Variants in SWT1 observed in about 807,000 individuals in gnomAD.
SWT1 encodes the protein transcriptional protein SWT1.
A neutral mutation model predicts 107.3 loss-of-function variants in SWT1; 33 were observed. The ratio of observed to expected loss-of-function variants is 0.31; its 90% CI spans 0.23 to 0.41. SWT1 has a LOEUF of 0.41. Among genes scored for constraint, SWT1 ranks in the 10% least tolerant of loss-of-function variants. The pLI is 1.00. For missense variants in SWT1, 898 were observed against 1,028.9 expected, an observed-to-expected ratio of 0.87 and a Z score of 1.74; for synonymous variants, 345 against 348.3, an observed-to-expected ratio of 0.99 and a Z score of 0.11.
At chr1:185,256,032 G>A (rs1267566575) in intron 16 of SWT1, among the ~76,000 whole-genome samples, 145 of 151,098 alleles carry the variant, frequency 9.6e-4, no homozygotes, top group South Asian at 2.9e-3. Flanking sequence ...TTTCTCCTTC[G>A]CTTATGAAGC....
intron 2 of SWT1, among the ~76,000 whole-genome samples, chr1:185,161,285 A>G (rs74584404): frequency 0.018 from 2,762 of 152,182 alleles, 77 homozygotes; most frequent in African/African-American, 0.061. Flanking sequence ...TCCTTTTTCA[A>G]TTTCCTCAAC....
intron 16 of SWT1, among the ~76,000 whole-genome samples, chr1:185,250,642 T>G (rs1380198009): frequency 6.6e-6 from 1 of 152,186 alleles, no homozygotes; most frequent in East Asian, 1.9e-4. Context: ...ACTCATAATT[T>G]ATTTAATTTA....
At position 185,221,867 on chromosome 1, in the gene SWT1, C is replaced by A; in HGVS notation, c.2140C>A (p.Pro714Thr). 1 of 1,590,744 alleles carries A rather than the reference C, an allele frequency of 6.3e-7. No homozygotes were observed. Among genetic ancestry groups the A allele is most frequent in the Non-Finnish European group, 8.5e-7 (1 of 1,171,226 alleles). The change falls in exon 15 of 19, where the codon CCA becomes ACA. Residue 714 changes from proline to threonine, a missense_variant. Physicochemically the swap from Pro to Thr is conservative, Grantham distance 38 (BLOSUM62 -1). Transcript: ENST00000367500. ...TFAEVKTKLKPNSSENTVTKK... is the reference protein window; with the variant it reads ...TFAEVKTKLKTNSSENTVTKK... ...TCCCCAGGTCAAGACAAAACTTAAGCCAAATTCTTCAGAAAACACAGTGAC... is the reference window on the plus strand; with the variant it reads ...TCCCCAGGTCAAGACAAAACTTAAGACAAATTCTTCAGAAAACACAGTGAC...
intron 18 of SWT1, among the ~76,000 whole-genome samples, chr1:185,289,004 A>G (rs1665103240): frequency 6.6e-6 from 1 of 152,190 alleles, no homozygotes; most frequent in African/African-American, 2.4e-5. Flanking sequence ...AACTTGTCTC[A>G]GCAATATTTC....
intron 16 of SWT1, among the ~76,000 whole-genome samples, chr1:185,264,935 T>G (rs1436840435): frequency 6.6e-6 from 1 of 152,168 alleles, no homozygotes; most frequent in East Asian, 1.9e-4. Flanking sequence ...AGACATATAA[T>G]CTATTCTTTT....
intron 15 of SWT1, among the ~76,000 whole-genome samples, chr1:185,226,007 G>GT (rs758493758): frequency 1.1e-3 from 164 of 151,332 alleles, no homozygotes; most frequent in Non-Finnish European, 1.9e-3. Context: ...TAAAGCAAAG[G>GT]TTTTTTTTTG....
intron 10 of SWT1, among the ~76,000 whole-genome samples, chr1:185,199,262 T>A (rs1657669988): frequency 6.6e-6 from 1 of 152,194 alleles, no homozygotes. Flanking sequence ...AAGGTTAATA[T>A]TGTTATGTGT....
chr1:185,226,188 T>C lies in SWT1; in HGVS notation c.2309+4152T>C, dbSNP rs1201740294. Among the ~76,000 whole-genome samples the C allele has an allele frequency of 2.0e-5, 3 of 152,204 alleles. No individual in the cohort carries two copies. The South Asian group carries it at 6.2e-4, about 31-fold the overall frequency. ...GAGTTCACCTATAATGTACATGCAT[T>C]TGTGTTGGATGCTAGGGAGTTTTGC... On this transcript the variant is annotated intron_variant, in intron 15 of 18. Coordinates refer to ENST00000367500, the MANE Select transcript of SWT1 (RefSeq NM_017673.7).
intron 16 of SWT1, among the ~76,000 whole-genome samples, chr1:185,234,920 C>A (rs1307065854): frequency 5.9e-5 from 9 of 152,148 alleles, no homozygotes; most frequent in African/African-American, 1.4e-4. Flanking sequence ...CCATCAGAGA[C>A]TACTTATAAA....
intron 2 of SWT1, among the ~76,000 whole-genome samples, chr1:185,165,263 A>G (rs976928476): frequency 6.6e-6 from 1 of 152,232 alleles, no homozygotes; most frequent in Non-Finnish European, 1.5e-5. Flanking sequence ...CCATAGCAGT[A>G]TAACAACAAT....
intron 18 of SWT1, among the ~76,000 whole-genome samples, chr1:185,277,256 ATTTATTTATTTG>A (rs1310748495): frequency 3.3e-5 from 5 of 151,998 alleles, no homozygotes; most frequent in South Asian, 2.1e-4. Flanking sequence ...GTCTTTATTT[ATTTATTTATTTG>A]TTTATTTATT....
rs1655423075 is a variant in SWT1 at position 185,175,064 on chromosome 1, A to G, written c.917A>G (p.Tyr306Cys). Residue 306 changes from tyrosine (Y) to cysteine (C), a missense_variant, in exon 5 of 19, where the codon TAT becomes TGT. Tyr to Cys is a radical substitution (Grantham distance 194). Coordinates refer to ENST00000367500, the MANE Select transcript of SWT1 (RefSeq NM_017673.7). ...CATGAGTGGAAACGAAAACATCATT[A>G]TGACCATCAAGAAAGTAATGATTCA... ...TVHEWKRKHHYDHQESNDSHS... is the reference protein window; with the variant it reads ...TVHEWKRKHHCDHQESNDSHS... 1.9e-6 allele frequency: 3 copies of G among 1,587,562 alleles called. No homozygotes were observed. Among genetic ancestry groups the G allele is most frequent in the Non-Finnish European group, 1.7e-6 (2 of 1,168,764 alleles).
At chr1:185,187,044 C>T (rs1480918819) in intron 9 of SWT1, among the ~76,000 whole-genome samples, 5 of 131,918 alleles carry the variant, frequency 3.8e-5, no homozygotes, top group Non-Finnish European at 4.7e-5. Flanking sequence ...CGTGAGCCAC[C>T]GCGCCCAGCT....
intron 9 of SWT1, 53 bp from the exon 10 acceptor site, chr1:185,190,496 G>A: frequency 1.0e-6 from 1 of 999,142 alleles, no homozygotes; most frequent in Non-Finnish European, 1.6e-6. Context: ...TTATTTCTGT[G>A]TCACCCACAT....
At chr1:185,198,502 G>A (rs1265462047) in intron 10 of SWT1, among the ~76,000 whole-genome samples, 1 of 152,128 alleles carries the variant, frequency 6.6e-6, no homozygotes, top group Non-Finnish European at 1.5e-5. Flanking sequence ...TTTCTGTCTT[G>A]TTGATCTGTC....
chr1:185,257,636 G>A (rs1380248532), intron 16 of SWT1, among the ~76,000 whole-genome samples: 7 of 152,260 alleles, frequency 4.6e-5, no homozygotes, highest in Admixed American at 1.3e-4. Context: ...GCCCTGCTTC[G>A]GCTCGCACAT....
intron 14 of SWT1, among the ~76,000 whole-genome samples, chr1:185,219,141 C>G (rs1659441440): frequency 6.6e-6 from 1 of 152,104 alleles, no homozygotes; most frequent in South Asian, 2.1e-4. Flanking sequence ...TGGGAAGAAT[C>G]ATCTTTTTAA....
At chr1:185,246,829 A>G (rs754073478) in intron 16 of SWT1, among the ~76,000 whole-genome samples, 14 of 151,510 alleles carry the variant, frequency 9.2e-5, no homozygotes, top group Non-Finnish European at 1.5e-4. Flanking sequence ...AGATCTCACT[A>G]TGTCCTCCAG....
At chr1:185,193,938 C>T (rs1053369971) in intron 10 of SWT1, among the ~76,000 whole-genome samples, 25 of 152,058 alleles carry the variant, frequency 1.6e-4, no homozygotes, top group African/African-American at 6.0e-4. Context: ...TGGAGAATTC[C>T]CTCAGGCAAA....
Sources: allele counts gnomAD v4.1 joint callset (sites outside exome capture counted in the v4.1 genomes callset), GRCh38; gene constraint gnomAD v4.1.1; transcripts MANE v1.5; gene names NCBI Gene and HGNC (gene_info 2026-07-23, HGNC 2026-07-21).